ANKIB1: variants seen among roughly 807,000 people sequenced by gnomAD.
ANKIB1 encodes ankyrin repeat and IBR domain containing 1.
In ANKIB1, 43 loss-of-function variants were observed where a neutral mutation model predicts 122.1. That is an observed-to-expected ratio of 0.35 (90% CI 0.28 to 0.45). The LOEUF is 0.45. ANKIB1 is among the 20% of genes least tolerant of loss of function. The probability of loss-of-function intolerance (pLI) is 1.00; values close to 1 mark genes in which losing one functional copy is unlikely to be tolerated. For missense variants in ANKIB1, 992 were observed against 1,329.5 expected (o/e 0.75, Z 3.95); for synonymous variants, 390 against 442.0 (o/e 0.88, Z 1.48).
At chr7:92,262,479 A>C (rs1386402884) in intron 1 of ANKIB1, among the ~76,000 whole-genome samples, 1 of 152,228 alleles carries the variant, frequency 6.6e-6, no homozygotes, top group Non-Finnish European at 1.5e-5. Flanking sequence ...TTATCTGTAT[A>C]GCAGAATTTG....
chr7:92,267,050 G>C lies in ANKIB1; in HGVS notation c.-91+20531G>C, dbSNP rs1801686392. ...TTGATAAACAGTCAGGGAGTGGTGA[G>C]AATAGAAGCCAGATTGCAGTGAGTT... is the stretch of plus-strand genomic sequence containing the variant. On this transcript the variant is annotated intron_variant, in intron 1 of 19. Coordinates refer to ENST00000265742, the MANE Select transcript of ANKIB1 (RefSeq NM_019004.2). Among the ~76,000 whole-genome samples, 3 of 152,186 alleles carry C rather than the reference G, an allele frequency of 2.0e-5. No individual in the cohort carries two copies. The South Asian group carries it at 6.2e-4, about 31-fold the overall frequency.
chr7:92,279,354 G>A lies in ANKIB1; in HGVS notation c.-90-15535G>A, dbSNP rs142091128. On this transcript the variant is annotated intron_variant, in intron 1 of 19. Coordinates refer to ENST00000265742, the MANE Select transcript of ANKIB1 (RefSeq NM_019004.2). ...AGGGATCATACTTCTTGTGATGTGCGCCAACTTGTAGCTTTTGGCAGGAAT... is the reference window on the plus strand; with the variant it reads ...AGGGATCATACTTCTTGTGATGTGCACCAACTTGTAGCTTTTGGCAGGAAT... 3.4e-4 allele frequency among the ~76,000 whole-genome samples: 52 copies of A among 152,296 alleles called. 1 individual carries two copies. In the East Asian group the frequency reaches 4.6e-3, roughly 14 times the overall value.
chr7:92,398,581 A>T lies in ANKIB1; in HGVS notation c.2902A>T (p.Asn968Tyr). ...TGGCCAGGACCCCAACATCAATGAC[A>T]ATCTTCTCGGCAACATCATGGCTTG... Reference protein sequence around the residue: ...SAGQDPNINDNLLGNIMAWFH... With the variant: ...SAGQDPNINDYLLGNIMAWFH... The change falls in exon 20 of 20, where the codon AAT becomes TAT. Residue 968 changes from asparagine (N) to tyrosine (Y), a missense_variant. By Grantham distance (143) the Asn-to-Tyr change is moderately radical. Transcript: ENST00000265742. 1.2e-6 allele frequency: 2 copies of T among 1,613,886 alleles called. No homozygotes were observed. The highest frequency in any genetic ancestry group is 1.7e-6 in the Non-Finnish European group (2 of 1,179,860).
At chr7:92,388,585 A>G (rs986478893) in intron 14 of ANKIB1, among the ~76,000 whole-genome samples, 1 of 152,216 alleles carries the variant, frequency 6.6e-6, no homozygotes, top group Non-Finnish European at 1.5e-5. Context: ...ATATTCCAAA[A>G]TATGGATTGA....
intron 12 of ANKIB1, 24 bp from the exon 13 acceptor site, chr7:92,387,774 C>T: frequency 6.3e-7 from 1 of 1,580,952 alleles, no homozygotes; most frequent in Non-Finnish European, 8.6e-7. Flanking sequence ...TTATAAAAGT[C>T]ATTTGTGGAC....
At chr7:92,362,057 C>A (rs140343417) in intron 9 of ANKIB1, 128 bp from the exon 10 acceptor site, 5 of 709,386 alleles carry the variant, frequency 7.0e-6, no homozygotes, top group Non-Finnish European at 1.2e-5. Context: ...GTGATCCACC[C>A]GCCTTGGCCT....
intron 1 of ANKIB1, among the ~76,000 whole-genome samples, chr7:92,257,471 T>C (rs1287105217): frequency 6.6e-6 from 1 of 152,190 alleles, no homozygotes; most frequent in Non-Finnish European, 1.5e-5. Context: ...TGTATTTGCT[T>C]TTATTTCCGG....
intron 1 of ANKIB1, among the ~76,000 whole-genome samples, chr7:92,274,567 TAAAA>T (rs575179600): frequency 6.8e-6 from 1 of 146,758 alleles, no homozygotes; most frequent in South Asian, 2.2e-4. Flanking sequence ...TGTGGTCATT[TAAAA>T]AAAAAAAGCA....
chr7:92,336,383 A>G (rs1046222852), intron 5 of ANKIB1, among the ~76,000 whole-genome samples: 4 of 151,880 alleles, frequency 2.6e-5, no homozygotes, highest in Non-Finnish European at 5.9e-5. Flanking sequence ...GTACTTTACA[A>G]ACTATTTTTC....
intron 16 of ANKIB1, among the ~76,000 whole-genome samples, chr7:92,391,664 T>A (rs1330911116): frequency 6.6e-6 from 1 of 152,160 alleles, no homozygotes; most frequent in African/African-American, 2.4e-5. Context: ...TATAGTGATT[T>A]GATAGTTATA....
At chr7:92,338,487 G>A (rs1412249233) in intron 5 of ANKIB1, among the ~76,000 whole-genome samples, 1 of 151,914 alleles carries the variant, frequency 6.6e-6, no homozygotes, top group Non-Finnish European at 1.5e-5. Context: ...TTTGAGTTAT[G>A]TGTATATAAT....
intron 1 of ANKIB1, among the ~76,000 whole-genome samples, chr7:92,268,783 A>G (rs1269555560): frequency 6.6e-6 from 1 of 152,170 alleles, no homozygotes; most frequent in Non-Finnish European, 1.5e-5. Flanking sequence ...GCCTGTCTTA[A>G]TTGGTGTCCT....
intron 1 of ANKIB1, among the ~76,000 whole-genome samples, chr7:92,283,073 G>A (rs1802042675): frequency 6.6e-6 from 1 of 152,064 alleles, no homozygotes; most frequent in Non-Finnish European, 1.5e-5. Flanking sequence ...AAGCTATGTA[G>A]ATCTAAAAGA....
intron 2 of ANKIB1, among the ~76,000 whole-genome samples, chr7:92,305,189 C>T (rs1802533973): frequency 6.6e-6 from 1 of 151,872 alleles, no homozygotes; most frequent in South Asian, 2.1e-4. Flanking sequence ...TAGTTTTACT[C>T]AGTCAAAGGA....
chr7:92,365,788 C>CTTTT lies in ANKIB1; in HGVS notation c.1486+3540_1486+3543dup, dbSNP rs59131137. On this transcript the variant is annotated intron_variant, in intron 10 of 19. Coordinates refer to ENST00000265742, the MANE Select transcript of ANKIB1 (RefSeq NM_019004.2). ...AGAGTTATAAGATATATTAAATAAT[C>CTTTT]TTTTTTTTTTTTTTTTTTTTTTTTT... Among the ~76,000 whole-genome samples, 52 of 58,328 alleles carry CTTTT rather than the reference C, an allele frequency of 8.9e-4. 6 individuals are homozygous for CTTTT. Among genetic ancestry groups the CTTTT allele is most frequent in the South Asian group, 4.4e-3 (5 of 1,138 alleles). The allele number at this position is 58,328 out of a possible 152,430, so 38.3% of individuals were successfully genotyped here.
intron 5 of ANKIB1, among the ~76,000 whole-genome samples, chr7:92,341,351 GC>G (rs1803436413): frequency 3.3e-5 from 5 of 150,762 alleles, no homozygotes; most frequent in Middle Eastern, 3.4e-3. Context: ...TTTTTGGAAA[GC>G]CATCTAGCAT....
At chr7:92,378,769 C>T (rs979937569) in intron 11 of ANKIB1, among the ~76,000 whole-genome samples, 2 of 152,098 alleles carry the variant, frequency 1.3e-5, no homozygotes, top group African/African-American at 2.4e-5. Flanking sequence ...TTGCAGATGA[C>T]GTGATTGTAT....
intron 18 of ANKIB1, among the ~76,000 whole-genome samples, 188 bp from the exon 19 acceptor site, chr7:92,397,535 T>C (rs976648890): frequency 5.3e-5 from 8 of 151,486 alleles, no homozygotes; most frequent in Non-Finnish European, 8.8e-5. Context: ...TAGTATCATA[T>C]ATATATTATT....
chr7:92,338,100 G>T (rs1023142635), intron 5 of ANKIB1, among the ~76,000 whole-genome samples: 4 of 152,088 alleles, frequency 2.6e-5, no homozygotes, highest in Admixed American at 2.6e-4. Flanking sequence ...AAAGAAAAGG[G>T]CTTGGCCCTA....
Sources: allele counts gnomAD v4.1 joint callset (sites outside exome capture counted in the v4.1 genomes callset), GRCh38; gene constraint gnomAD v4.1.1; transcripts MANE v1.5; gene names NCBI Gene and HGNC (gene_info 2026-07-23, HGNC 2026-07-21).